The following PDPR variants were observed in gnomAD, a reference collection of about 807,000 sequenced individuals.
PDPR encodes the protein pyruvate dehydrogenase phosphatase regulatory subunit, mitochondrial.
A neutral mutation model predicts 102.2 loss-of-function variants in PDPR; 50 were observed. The ratio of observed to expected loss-of-function variants is 0.49; its 90% CI spans 0.39 to 0.62. PDPR has a LOEUF of 0.62. Among genes scored for constraint, PDPR ranks in the 20% least tolerant of loss-of-function variants. The probability of loss-of-function intolerance (pLI) is 0.00; values close to 1 mark genes in which losing one functional copy is unlikely to be tolerated. For synonymous variants in PDPR, 259 were observed against 406.0 expected (o/e 0.64, Z 4.35); for missense variants, 625 against 1,098.2 (o/e 0.57, Z 6.09).
chr16:70,144,065 T>C (rs1483392044), intron 14 of PDPR, among the ~76,000 whole-genome samples: 3 of 152,152 alleles, frequency 2.0e-5, no homozygotes, highest in Non-Finnish European at 4.4e-5. Context: ...CCAGTTTTTG[T>C]ATATTTTGTA....
At chr16:70,150,574 G>C (rs1966655046) in intron 17 of PDPR, among the ~76,000 whole-genome samples, 1 of 133,230 alleles carries the variant, frequency 7.5e-6, no homozygotes, top group Non-Finnish European at 1.5e-5. Context: ...CTGTCACCCA[G>C]GCTGGCTTAC....
In PDPR at chr16:70,159,726, G is replaced by C. The variant is rs1191884782; in HGVS notation, c.*2847G>C. The C allele has an allele frequency of 6.5e-6, 1 of 152,770 alleles. No individual in the cohort carries two copies. The highest frequency in any genetic ancestry group is 2.4e-5 in the African/African-American group (1 of 41,476). 9.5% of individuals were successfully genotyped at this position (152,770 alleles called of 1,614,324 possible). On this transcript the variant is annotated 3_prime_UTR_variant, in exon 19 of 19. Coordinates refer to ENST00000288050, the MANE Select transcript of PDPR (RefSeq NM_017990.5). ...TCCTGACCACCGGTGTCAGATATCA[G>C]AGCATTCTGGACTCCTGAGAGGCAG...
chr16:70,151,867 A>G (rs539852080), intron 17 of PDPR, among the ~76,000 whole-genome samples: 7 of 152,328 alleles, frequency 4.6e-5, no homozygotes, highest in Admixed American at 4.6e-4. Context: ...TGTTCACACT[A>G]AATCTCTGGT....
intron 17 of PDPR, among the ~76,000 whole-genome samples, chr16:70,151,136 G>T (rs565377710): frequency 6.6e-6 from 1 of 152,230 alleles, no homozygotes; most frequent in Admixed American, 6.6e-5. Flanking sequence ...GGGTTTCACC[G>T]TGTTGGCCAG....
chr16:70,157,179 A>C lies in PDPR; in HGVS notation c.*300A>C. On this transcript the variant is annotated 3_prime_UTR_variant, in exon 19 of 19. Transcript: ENST00000288050. ...AGGACAGAAGCAAGCTCCACTGTGGACATGAGTGATGGTGACAGCTGCTTT... is the reference window on the plus strand; with the variant it reads ...AGGACAGAAGCAAGCTCCACTGTGGCCATGAGTGATGGTGACAGCTGCTTT... 1.6e-6 allele frequency: 1 copy of C among 619,610 alleles called. No individual in the cohort carries two copies. Among genetic ancestry groups the C allele is most frequent in the Non-Finnish European group, 3.0e-6 (1 of 335,050 alleles). The allele number at this position is 619,610 out of a possible 1,614,324, so 38.4% of individuals were successfully genotyped here.
At position 70,148,196 on chromosome 16, in the gene PDPR, A is replaced by G. The variant is rs1966393699; in HGVS notation, c.1963-268A>G. Among the ~76,000 whole-genome samples the G allele has an allele frequency of 2.0e-5, 3 of 152,218 alleles. No individual in the cohort carries two copies. The South Asian group carries it at 6.2e-4, about 32-fold the overall frequency. On this transcript the variant is annotated intron_variant, in intron 16 of 18. Coordinates refer to ENST00000288050, the MANE Select transcript of PDPR (RefSeq NM_017990.5). The stretch of plus-strand genomic sequence containing the variant: ...CAAAGAGGAATATTTTGTGCTTGTC[A>G]AGGACTTTCCTCCACTCTCTACCAT...
In PDPR at chr16:70,120,371, G is replaced by A; in HGVS notation, c.-32-90G>A. 6.9e-6 allele frequency: 5 copies of A among 720,914 alleles called. No homozygotes were observed. In the South Asian group the frequency reaches 8.9e-5, roughly 13 times the overall value. 44.7% of individuals were successfully genotyped at this position (720,914 alleles called of 1,614,324 possible). On this transcript the variant is annotated intron_variant, in intron 2 of 18. Coordinates refer to ENST00000288050, the MANE Select transcript of PDPR (RefSeq NM_017990.5). ...AGCCACCCTCAAATATTTGCTGAAT[G>A]AATGGCTATCGTTCTTTGTCAAATC...
chr16:70,137,236 G>A (rs1257482135), intron 10 of PDPR, among the ~76,000 whole-genome samples: 2 of 152,126 alleles, frequency 1.3e-5, no homozygotes, highest in Non-Finnish European at 1.5e-5. Context: ...GGTGCTTGTG[G>A]TCCCAGCTAC....
At chr16:70,152,316 C>T (rs1444806739) in intron 17 of PDPR, among the ~76,000 whole-genome samples, 2 of 152,382 alleles carry the variant, frequency 1.3e-5, no homozygotes, top group African/African-American at 4.8e-5. Context: ...GTCAGGAGTT[C>T]GAGAGCAGCC....
chr16:70,127,361 A>G lies in PDPR; in HGVS notation c.329A>G (p.Tyr110Cys), dbSNP rs1007032092. ...GCAGACTACTCAAACAAACTCTACT[A>G]TCAGTTAGAGCAAGAAACAGGGATC... ...KMADYSNKLY[Y>C]QLEQETGIQT... Residue 110 changes from tyrosine to cysteine, a missense_variant, in exon 4 of 19, where the codon TAT becomes TGT. This residue lies in a region of PDPR where 24 missense variants were observed against 61.7 expected (regional missense o/e 0.39). Transcript: ENST00000288050. The G allele has an allele frequency of 1.0e-5, 16 of 1,607,516 alleles. No homozygotes were observed. The highest frequency in any genetic ancestry group is 3.3e-5 in the South Asian group (3 of 90,556).
At chr16:70,125,845 G>C (rs1396541702) in intron 3 of PDPR, among the ~76,000 whole-genome samples, 4 of 152,200 alleles carry the variant, frequency 2.6e-5, no homozygotes, top group African/African-American at 7.2e-5. Flanking sequence ...TGTTGGCCAG[G>C]CTGGTCTCGA....
chr16:70,121,663 G>C (rs1201657271), intron 3 of PDPR, among the ~76,000 whole-genome samples: 1 of 151,248 alleles, frequency 6.6e-6, no homozygotes, highest in African/African-American at 2.4e-5. Flanking sequence ...CTGCACGCTA[G>C]CCTGGGTGAC....
intron 9 of PDPR, among the ~76,000 whole-genome samples, chr16:70,135,413 T>G (rs1965022017): frequency 6.6e-6 from 1 of 152,254 alleles, no homozygotes; most frequent in African/African-American, 2.4e-5. Flanking sequence ...ATTTTTGTAT[T>G]TTTAGTAGAG....
intron 11 of PDPR, among the ~76,000 whole-genome samples, chr16:70,139,828 G>A (rs1419908546): frequency 6.6e-6 from 1 of 152,258 alleles, no homozygotes; most frequent in Non-Finnish European, 1.5e-5. Context: ...TCAGGACTAA[G>A]TTTCTGTGTT....
Position 70,160,152 on chromosome 16 carries a change from CT to C in PDPR, c.*3275del, listed in dbSNP as rs1967644123. 1 of 152,980 alleles carries C rather than the reference CT, an allele frequency of 6.5e-6. No individual in the cohort carries two copies. The highest frequency in any genetic ancestry group is 1.5e-5 in the Non-Finnish European group (1 of 68,576). The allele number at this position is 152,980 out of a possible 1,614,324, so 9.5% of individuals were successfully genotyped here. On this transcript the variant is annotated 3_prime_UTR_variant, in exon 19 of 19. Coordinates refer to ENST00000288050, the MANE Select transcript of PDPR (RefSeq NM_017990.5). ...CAGTTTTCCGTGGGCCTTCCCCTCC[CT>C]TGAAATGTCTTTAATTACCTCCCCT...
intron 3 of PDPR, 120 bp from the exon 4 acceptor site, chr16:70,127,140 C>G: frequency 7.9e-6 from 12 of 1,523,640 alleles, no homozygotes; most frequent in Non-Finnish European, 1.1e-5. Context: ...TAAGTGTGAG[C>G]CACTGTGCCC....
chr16:70,129,655 T>A (rs1160506614), intron 6 of PDPR, among the ~76,000 whole-genome samples: 1 of 152,272 alleles, frequency 6.6e-6, no homozygotes, highest in Non-Finnish European at 1.5e-5. Flanking sequence ...TGCCAATTAA[T>A]GCCCTTTGGA....
chr16:70,160,310 C>T lies in PDPR; in HGVS notation c.*3431C>T, dbSNP rs1597395104. On this transcript the variant is annotated 3_prime_UTR_variant, in exon 19 of 19. Coordinates refer to ENST00000288050, the MANE Select transcript of PDPR (RefSeq NM_017990.5). The stretch of plus-strand genomic sequence containing the variant: ...AGCCAGAAAAGCTCTCATTCAGGAA[C>T]TCTGAAGAGCAAAAAGGGACAAACA... 6.5e-6 allele frequency: 1 copy of T among 152,760 alleles called. No individual in the cohort carries two copies. The highest frequency in any genetic ancestry group is 1.5e-5 in the Non-Finnish European group (1 of 68,394). The allele number at this position is 152,760 out of a possible 1,614,324, so 9.5% of individuals were successfully genotyped here.
At chr16:70,145,613 C>T in intron 15 of PDPR, 1 of 396,466 alleles carries the variant, frequency 2.5e-6, no homozygotes, top group South Asian at 1.9e-5. Context: ...GATATACGTC[C>T]TGCTCCTGGA....
Sources: allele counts gnomAD v4.1 joint callset (sites outside exome capture counted in the v4.1 genomes callset), GRCh38; gene constraint gnomAD v4.1.1; regional missense constraint gnomAD v4.1.1; transcripts MANE v1.5; gene names NCBI Gene and HGNC (gene_info 2026-07-23, HGNC 2026-07-21).